Variants in COP1 observed in about 807,000 individuals in gnomAD.
COP1 encodes COP1 E3 ubiquitin ligase, also known as E3 ubiquitin-protein ligase COP1.
COP1 carries 24 observed loss-of-function variants against 101.3 expected under a neutral mutation model. The ratio of observed to expected loss-of-function variants is 0.24; its 90% CI spans 0.17 to 0.33. COP1 has a LOEUF of 0.33. COP1 is among the 10% of genes least tolerant of loss of function. The pLI is 1.00. For missense variants in COP1, 663 were observed against 906.2 expected, an observed-to-expected ratio of 0.73 and a Z score of 3.45; for synonymous variants, 347 against 341.9, an observed-to-expected ratio of 1.01 and a Z score of -0.17.
At position 175,972,146 on chromosome 1, in the gene COP1, A is replaced by G. The variant is rs565783596; in HGVS notation, c.2133+14797T>C. Among the ~76,000 whole-genome samples the G allele has an allele frequency of 2.1e-4, 32 of 152,242 alleles. 1 individual carries two copies. The South Asian group carries it at 5.8e-3, about 28-fold the overall frequency. On this transcript the variant is annotated intron_variant, in intron 18 of 19. Transcript: ENST00000367669. ...ACAACAACAACAACAACAAATACAA[A>G]AGGTGGTTCTTGGTCCTCACCTTCA...
At chr1:176,085,928 CA>C (rs1558076930) in intron 9 of COP1, 38 bp from the exon 10 acceptor site, 2 of 1,141,372 alleles carry the variant, frequency 1.8e-6, no homozygotes, top group African/African-American at 1.5e-5. Context: ...TTAGAATAAA[CA>C]ATACTCTTCT....
At chr1:175,965,567 G>GT (rs373869937) in intron 18 of COP1, among the ~76,000 whole-genome samples, 1,543 of 118,938 alleles carry the variant, frequency 0.013, 17 homozygotes, top group African/African-American at 0.021. Flanking sequence ...ACTTATCTGG[G>GT]TTTTTTTTTT....
chr1:176,010,254 C>A (rs182052733), intron 15 of COP1, among the ~76,000 whole-genome samples: 27 of 152,266 alleles, frequency 1.8e-4, no homozygotes, highest in Admixed American at 4.6e-4. Context: ...TCAGCCTCTA[C>A]CTTCTACAAA....
At chr1:175,951,349 CAT>C (rs1313425032) in intron 18 of COP1, among the ~76,000 whole-genome samples, 3 of 148,336 alleles carry the variant, frequency 2.0e-5, no homozygotes, top group East Asian at 2.0e-4. Flanking sequence ...TGGATTTATT[CAT>C]AGAGATAGAT....
chr1:176,173,146 C>T (rs1696343819), intron 3 of COP1, among the ~76,000 whole-genome samples: 1 of 151,766 alleles, frequency 6.6e-6, no homozygotes, highest in African/African-American at 2.4e-5. Context: ...CCTGTCTCTA[C>T]TAAAAATACA....
intron 2 of COP1, among the ~76,000 whole-genome samples, chr1:176,179,883 T>C (rs1572712847): frequency 1.3e-5 from 2 of 149,656 alleles, no homozygotes; most frequent in East Asian, 1.9e-4. Flanking sequence ...AAATGGGACA[T>C]AGCTGGAAGT....
At chr1:176,023,221 A>C (rs1450606539) in intron 15 of COP1, among the ~76,000 whole-genome samples, 1 of 152,236 alleles carries the variant, frequency 6.6e-6, no homozygotes, top group Non-Finnish European at 1.5e-5. Flanking sequence ...TAAGAACTAC[A>C]ACAGCCTTTC....
chr1:176,165,382 G>A (rs1180302079), intron 3 of COP1, among the ~76,000 whole-genome samples: 4 of 148,342 alleles, frequency 2.7e-5, no homozygotes, highest in African/African-American at 2.6e-5. Flanking sequence ...GTGTGTGTGT[G>A]TGTGTGTGTG....
intron 6 of COP1, among the ~76,000 whole-genome samples, chr1:176,138,220 G>GTAA (rs1690108890): frequency 6.6e-6 from 1 of 152,076 alleles, no homozygotes; most frequent in Non-Finnish European, 1.5e-5. Context: ...AAATCTGAAA[G>GTAA]TAAGGCAATA....
chr1:175,973,487 A>C (rs1653774509), intron 18 of COP1, among the ~76,000 whole-genome samples: 1 of 152,236 alleles, frequency 6.6e-6, no homozygotes, highest in African/African-American at 2.4e-5. Context: ...GCAGAGCTAC[A>C]AGTTGCTAAA....
At position 176,123,753 on chromosome 1, in the gene COP1, G is replaced by A. The variant is rs1267379057; in HGVS notation, c.969-7072C>T. On this transcript the variant is annotated intron_variant, in intron 8 of 19. Transcript: ENST00000367669. The stretch of plus-strand genomic sequence containing the variant: ...CCACCCTGCACAAAACATGAAATAT[G>A]CAGTTATAAAATGTTTGTGTTGAAT... Among the ~76,000 whole-genome samples, 4 of 152,236 alleles carry A rather than the reference G, an allele frequency of 2.6e-5. No individual in the cohort carries two copies. In the East Asian group the frequency reaches 7.7e-4, roughly 29 times the overall value.
At chr1:176,074,750 C>T (rs757092615) in intron 11 of COP1, among the ~76,000 whole-genome samples, 7 of 148,886 alleles carry the variant, frequency 4.7e-5, no homozygotes, top group Non-Finnish European at 1.0e-4. Flanking sequence ...ATAATGAAAC[C>T]ATCTCTTCCC....
At chr1:176,111,785 C>A (rs1481077461) in intron 9 of COP1, among the ~76,000 whole-genome samples, 2 of 152,126 alleles carry the variant, frequency 1.3e-5, no homozygotes, top group Non-Finnish European at 2.9e-5. Flanking sequence ...ACTCGACTAT[C>A]CACTATTTCA....
At chr1:175,981,360 T>C (rs1655821447) in intron 18 of COP1, among the ~76,000 whole-genome samples, 1 of 152,158 alleles carries the variant, frequency 6.6e-6, no homozygotes, top group African/African-American at 2.4e-5. Flanking sequence ...ATATTTTCTC[T>C]CTGCCTTCTT....
At chr1:175,959,821 G>A (rs1651114806) in intron 18 of COP1, among the ~76,000 whole-genome samples, 2 of 152,098 alleles carry the variant, frequency 1.3e-5, no homozygotes, top group African/African-American at 4.8e-5. Context: ...ATCTTTCTAG[G>A]TAAATTACCA....
At chr1:176,143,756 G>C (rs1378299157) in intron 6 of COP1, among the ~76,000 whole-genome samples, 1 of 152,050 alleles carries the variant, frequency 6.6e-6, no homozygotes, top group Admixed American at 6.6e-5. Context: ...AGACACCCCT[G>C]GGCCAATCAG....
chr1:175,945,232 T>C lies in COP1; in HGVS notation c.2179-62A>G, dbSNP rs971804432. 42 of 1,221,138 alleles carry C rather than the reference T, an allele frequency of 3.4e-5. No homozygotes were observed. In the Admixed American group the frequency reaches 8.8e-4, roughly 26 times the overall value. The allele number at this position is 1,221,138 out of a possible 1,614,324, so 75.6% of individuals were successfully genotyped here. A position where few individuals can be genotyped will look rare whatever the true frequency, so the allele number is the denominator to read the frequency against. ...CATTTAAGATATAAAAGGAATTTAA[T>C]GACTCTTTACTATATTTACCAATAG... On this transcript the variant is annotated intron_variant, in intron 19 of 19. Coordinates refer to ENST00000367669, the MANE Select transcript of COP1 (RefSeq NM_022457.7).
At chr1:176,099,073 AAACCACAGAGATAATCAAACTAC>A (rs1194903319) in intron 9 of COP1, among the ~76,000 whole-genome samples, 7 of 152,222 alleles carry the variant, frequency 4.6e-5, no homozygotes, top group Non-Finnish European at 8.8e-5. Flanking sequence ...AAGTTATTGT[AAACCACAGAGATAATCAAACTAC>A]TTTGTCAATT....
Position 176,080,670 on chromosome 1 carries a change from C to G in COP1, c.1277+482G>C, listed in dbSNP as rs758652927. Among the ~76,000 whole-genome samples, 5 of 152,196 alleles carry G rather than the reference C, an allele frequency of 3.3e-5. No homozygotes were observed. In the South Asian group the frequency reaches 1.0e-3, roughly 32 times the overall value. ...AATAAGTTCAACAGCCCTGATGAGA[C>G]GGACAAATGTCTTAAAAGACACAAA... On this transcript the variant is annotated intron_variant, in intron 11 of 19. Transcript: ENST00000367669.
Sources: allele counts gnomAD v4.1 joint callset (sites outside exome capture counted in the v4.1 genomes callset), GRCh38; gene constraint gnomAD v4.1.1; transcripts MANE v1.5; gene names NCBI Gene and HGNC (gene_info 2026-07-23, HGNC 2026-07-21).